CDH4: variants seen among roughly 807,000 people sequenced by gnomAD.
The protein encoded by CDH4 is cadherin-4.
CDH4 carries 33 observed loss-of-function variants against 86.0 expected under a neutral mutation model. The ratio of observed to expected loss-of-function variants is 0.38; its 90% CI spans 0.29 to 0.51. The LOEUF is 0.51. CDH4 is among the 20% of genes least tolerant of loss of function. The pLI, the probability that CDH4 is intolerant of heterozygous loss-of-function variation, is 0.86. For missense variants in CDH4, 1,114 were observed against 1,307.4 expected (o/e 0.85, Z 2.28); for synonymous variants, 555 against 549.4 (o/e 1.01, Z -0.14).
intron 2 of CDH4, among the ~76,000 whole-genome samples, chr20:61,358,764 A>G (rs368658811): frequency 6.6e-6 from 1 of 152,176 alleles, no homozygotes; most frequent in African/African-American, 2.4e-5. Context: ...CCAGGGTCTC[A>G]GACAGTAATT....
At chr20:61,542,424 A>G (rs1442618912) in intron 2 of CDH4, among the ~76,000 whole-genome samples, 1 of 152,140 alleles carries the variant, frequency 6.6e-6, no homozygotes, top group African/African-American at 2.4e-5. Context: ...GTTCGTTTAG[A>G]TCCTGCACAC....
In CDH4 at chr20:61,777,637, C is replaced by T. The variant is rs893601818; in HGVS notation, c.576+4455C>T. 3.4e-4 allele frequency among the ~76,000 whole-genome samples: 49 copies of T among 142,796 alleles called. 3 individuals are homozygous for T. The highest frequency in any genetic ancestry group is 1.1e-3 in the African/African-American group (44 of 38,464). The allele number at this position is 142,796 out of a possible 152,430, so 93.7% of individuals were successfully genotyped here. ...GCACACACGTGCATACAAAAACACA[C>T]GTCTACACACGCACACACGTGCATA... On this transcript the variant is annotated intron_variant, in intron 4 of 15. Transcript: ENST00000614565.
intron 2 of CDH4, among the ~76,000 whole-genome samples, chr20:61,395,526 T>G (rs2085011926): frequency 6.6e-6 from 1 of 152,176 alleles, no homozygotes; most frequent in Non-Finnish European, 1.5e-5. Context: ...ACACATGTAA[T>G]CCCAGCACTT....
chr20:61,623,934 G>A lies in CDH4; in HGVS notation c.170-119629G>A, dbSNP rs1400636755. Among the ~76,000 whole-genome samples, 2 of 151,490 alleles carry A rather than the reference G, an allele frequency of 1.3e-5. No individual in the cohort carries two copies. Among genetic ancestry groups the A allele is most frequent in the Non-Finnish European group, 2.9e-5 (2 of 67,872 alleles). On this transcript the variant is annotated intron_variant, in intron 2 of 15. Transcript: ENST00000614565. This position sits in a 1 kb window ranked among gnomAD's most constrained non-coding sequence, Gnocchi z 4.4. ...GGAGGAAAGACACGGTTCCTAGAGC[G>A]AGGAACACCCCAGAATCTGAGCAGG...
At chr20:61,555,801 C>T (rs568443568) in intron 2 of CDH4, among the ~76,000 whole-genome samples, 1 of 152,298 alleles carries the variant, frequency 6.6e-6, no homozygotes, top group East Asian at 1.9e-4. Flanking sequence ...ACAATTCATA[C>T]CTACCTTTAA....
chr20:61,367,375 G>A (rs2084816430), intron 2 of CDH4, among the ~76,000 whole-genome samples: 1 of 152,224 alleles, frequency 6.6e-6, no homozygotes, highest in South Asian at 2.1e-4. Flanking sequence ...CAGAGCTCCT[G>A]CTAATTATAA....
rs563065845 is a variant in CDH4, at chr20:61,320,805, G to A, written c.169+65868G>A. 1.4e-4 allele frequency among the ~76,000 whole-genome samples: 22 copies of A among 152,062 alleles called. No individual in the cohort carries two copies. The East Asian group carries it at 3.3e-3, about 23-fold the overall frequency. On this transcript the variant is annotated intron_variant, in intron 2 of 15. Coordinates refer to ENST00000614565, the MANE Select transcript of CDH4 (RefSeq NM_001794.5). The stretch of plus-strand genomic sequence containing the variant: ...GGCCTGGGCAAAGGGAGCAGCGTGC[G>A]CAGAGGTCCTGTGCTGGGAGGGAGT...
intron 4 of CDH4, among the ~76,000 whole-genome samples, chr20:61,774,907 G>C (rs1018526145): frequency 1.3e-5 from 2 of 152,128 alleles, no homozygotes; most frequent in Non-Finnish European, 2.9e-5. Flanking sequence ...TACCACATTT[G>C]CTTTATCCAG....
chr20:61,509,687 C>G (rs930339555), intron 2 of CDH4, among the ~76,000 whole-genome samples: 1 of 151,922 alleles, frequency 6.6e-6, no homozygotes, highest in Non-Finnish European at 1.5e-5. Context: ...AAGTCAGGGA[C>G]AGGAGTGGCA....
chr20:61,706,896 G>A (rs893264333), intron 2 of CDH4, among the ~76,000 whole-genome samples: 22 of 152,344 alleles, frequency 1.4e-4, no homozygotes, highest in East Asian at 9.6e-4. Context: ...TGCAATCCCC[G>A]CAGAGGGCTG....
intron 2 of CDH4, among the ~76,000 whole-genome samples, chr20:61,569,458 CTT>C (rs2086325819): frequency 6.6e-6 from 1 of 152,174 alleles, no homozygotes; most frequent in Non-Finnish European, 1.5e-5. Context: ...TCTGTCTCCC[CTT>C]TCTCTCTCTC....
At chr20:61,318,212 A>G (rs1267619764) in intron 2 of CDH4, among the ~76,000 whole-genome samples, 1 of 152,146 alleles carries the variant, frequency 6.6e-6, no homozygotes, top group African/African-American at 2.4e-5. Context: ...TTTAGACAGC[A>G]GTTTGCTTTG....
chr20:61,846,595 C>G (rs1982466798), intron 5 of CDH4, among the ~76,000 whole-genome samples: 1 of 152,010 alleles, frequency 6.6e-6, no homozygotes, highest in South Asian at 2.1e-4. Context: ...AAGAGAGACA[C>G]AGGTAATACA....
At chr20:61,766,395 G>A (rs143928044) in intron 3 of CDH4, among the ~76,000 whole-genome samples, 136 of 152,172 alleles carry the variant, frequency 8.9e-4, no homozygotes, top group African/African-American at 3.2e-3. Flanking sequence ...CAGGCTGCAG[G>A]AGTCTTGCCC....
At chr20:61,333,400 G>A (rs2084596278) in intron 2 of CDH4, among the ~76,000 whole-genome samples, 1 of 152,212 alleles carries the variant, frequency 6.6e-6, no homozygotes, top group Non-Finnish European at 1.5e-5. Context: ...GGTTGTCAAT[G>A]TGGCTCCTGA....
intron 2 of CDH4, among the ~76,000 whole-genome samples, chr20:61,317,854 C>T (rs1436702644): frequency 6.6e-6 from 1 of 152,200 alleles, no homozygotes; most frequent in Admixed American, 6.5e-5. Flanking sequence ...GCACGAGTTT[C>T]CTCAAGGGAC....
intron 2 of CDH4, among the ~76,000 whole-genome samples, chr20:61,687,309 C>T (rs2087594852): frequency 1.3e-5 from 2 of 152,318 alleles, no homozygotes; most frequent in South Asian, 4.1e-4. Context: ...GTTGGGATAA[C>T]TTGTTCAGGG....
chr20:61,474,121 CGAT>C, intron 2 of CDH4, among the ~76,000 whole-genome samples: 1 of 145,968 alleles, frequency 6.9e-6, no homozygotes, highest in South Asian at 2.3e-4. Context: ...AACATCCACT[CGAT>C]GAGGTATTCT....
rs182834115 is a variant in CDH4, at chr20:61,504,752, A to T, written c.170-238811A>T. The stretch of plus-strand genomic sequence containing the variant: ...GACTAATGGCCTAAATTGGTACCAG[A>T]AGAACAATTACATGGACTCTTTCCT... On this transcript the variant is annotated intron_variant, in intron 2 of 15. Transcript: ENST00000614565. 6.6e-5 allele frequency among the ~76,000 whole-genome samples: 10 copies of T among 152,326 alleles called. No individual in the cohort carries two copies. The East Asian group carries it at 1.7e-3, about 26-fold the overall frequency.
Sources: gnomAD v4.1 joint callset for allele counts (sites outside exome capture counted in the v4.1 genomes callset) on GRCh38, gnomAD v4.1.1 for gene constraint, Gnocchi (gnomAD v3.1) non-coding constraint, MANE v1.5 for transcripts, NCBI Gene and HGNC (gene_info 2026-07-23, HGNC 2026-07-21) for gene names.